CCDC187: variants seen among roughly 807,000 people sequenced by gnomAD.
CCDC187 encodes coiled-coil domain containing 187, also known as coiled-coil domain-containing protein 187.
In CCDC187, 32 loss-of-function variants were observed where a neutral mutation model predicts 38.0. The ratio of observed to expected loss-of-function variants is 0.84; its 90% CI spans 0.64 to 1.13. The LOEUF is 1.13. Among genes scored for constraint, CCDC187 ranks in the 50% most tolerant of loss-of-function variants. CCDC187 has a pLI of 0.00. For missense variants in CCDC187, 707 were observed against 786.8 expected (o/e 0.90, Z 1.21); for synonymous variants, 333 against 347.9 (o/e 0.96, Z 0.48).
In CCDC187 at chr9:136,285,550, C is replaced by G. The variant is rs978792701; in HGVS notation, c.2890G>C (p.Val964Leu). 1.2e-5 allele frequency: 5 copies of G among 402,506 alleles called. No individual in the cohort carries two copies. Among genetic ancestry groups the G allele is most frequent in the Non-Finnish European group, 2.2e-5 (5 of 228,118 alleles). The allele number at this position is 402,506 out of a possible 1,614,324, so 24.9% of individuals were successfully genotyped here. A position where few individuals can be genotyped will look rare whatever the true frequency, so the allele number is the denominator to read the frequency against. ...GGGCTGAGGGCCTGGAAGGGGGCCA[C>G]GCCTCTCTGCAGCCTTTTGTCTGGT... ...VKPDKRLQRG[V>L]APFQALSPSA... The change falls in exon 9 of 26, where the codon GTG (valine) becomes CTG (leucine). Residue 964 changes from valine (V) to leucine (L), a missense_variant. Val to Leu is a conservative substitution (Grantham distance 32). Transcript: ENST00000638797.
At chr9:136,297,159 A>G (rs1305029095) in intron 4 of CCDC187, among the ~76,000 whole-genome samples, 9 of 150,410 alleles carry the variant, frequency 6.0e-5, no homozygotes, top group African/African-American at 1.9e-4. Context: ...CGTGAGCTGC[A>G]GGTGGCGTGA....
At chr9:136,273,689 C>A (rs1830878356) in intron 14 of CCDC187, among the ~76,000 whole-genome samples, 2 of 152,250 alleles carry the variant, frequency 1.3e-5, no homozygotes, top group African/African-American at 4.8e-5. Context: ...ACACTCCCCC[C>A]AGCAACAACA....
chr9:136,293,751 CTT>C (rs1454745995), intron 4 of CCDC187, among the ~76,000 whole-genome samples: 46 of 152,220 alleles, frequency 3.0e-4, no homozygotes, highest in Non-Finnish European at 2.5e-4. Context: ...TGCACACACA[CTT>C]GTACACACTG....
chr9:136,293,753 T>G lies in CCDC187; in HGVS notation c.833-1458A>C, dbSNP rs1049837215. Among the ~76,000 whole-genome samples, 6 of 147,362 alleles carry G rather than the reference T, an allele frequency of 4.1e-5. No homozygotes were observed. In the South Asian group the frequency reaches 1.1e-3, roughly 27 times the overall value. Reference sequence around the variant, plus strand: ...ATGCATTCACACATGCACACACACTTGTACACACTGACATGCTCACACACG... The same window carrying G: ...ATGCATTCACACATGCACACACACTGGTACACACTGACATGCTCACACACG... On this transcript the variant is annotated intron_variant, in intron 4 of 25. Transcript: ENST00000638797.
In CCDC187 at chr9:136,300,285, ACT is replaced by A. The variant is rs1831645626; in HGVS notation, c.657_658del (p.Arg219SerfsTer2). ...CTGGCCGTGGGATGCCTTGGCTTCA[ACT>A]CTGCGCTCAGCTGCACTCAAGATGC... On this transcript the variant is annotated frameshift_variant, in exon 3 of 26. Transcript: ENST00000638797. LOFTEE classifies it high-confidence loss of function. 2.5e-6 allele frequency: 1 copy of A among 398,534 alleles called. No individual in the cohort carries two copies. Among genetic ancestry groups the A allele is most frequent in the Non-Finnish European group, 4.4e-6 (1 of 226,098 alleles). 24.7% of individuals were successfully genotyped at this position (398,534 alleles called of 1,614,324 possible).
At position 136,255,113 on chromosome 9, in the gene CCDC187, T is replaced by C; in HGVS notation, c.4715A>G (p.Glu1572Gly). ...CTGGTGCAGGATTGGGGGCGCCGCC[T>C]CCTCAGGGACCACAGGAGCTGCTAA... The part of the protein sequence containing the change: ...ASPAAPVVPE[E>G]AAPPILHQGS... The change falls in exon 26 of 26, where the codon GAG becomes GGG. Residue 1572 changes from glutamate (E) to glycine (G), a missense_variant. Physicochemically the swap from Glu to Gly is moderately conservative, Grantham distance 98. Coordinates refer to ENST00000638797, the MANE Select transcript of CCDC187 (RefSeq NM_001378188.1). The C allele has an allele frequency of 1.0e-6, 1 of 985,402 alleles. No individual in the cohort carries two copies. Among genetic ancestry groups the C allele is most frequent in the Non-Finnish European group, 1.2e-6 (1 of 829,998 alleles). The allele number at this position is 985,402 out of a possible 1,614,324, so 61.0% of individuals were successfully genotyped here.
At position 136,286,148 on chromosome 9, in the gene CCDC187, C is replaced by G. The variant is rs1831174044; in HGVS notation, c.2770G>C (p.Gly924Arg). Residue 924 changes from glycine (G) to arginine (R), a missense_variant, in exon 8 of 26, where the codon GGC (glycine) becomes CGC (arginine). Gly to Arg is a moderately radical substitution (Grantham distance 125). Coordinates refer to ENST00000638797, the MANE Select transcript of CCDC187 (RefSeq NM_001378188.1). ...YFLDGETLSW[G>R]PSWEQQQSVS... Reference sequence around the variant, plus strand: ...CTCTGCTGTTGCTCCCAGCTGGGGCCCCACGACAGTGTCTCGCCGTCCAGG... The same window carrying G: ...CTCTGCTGTTGCTCCCAGCTGGGGCGCCACGACAGTGTCTCGCCGTCCAGG... 5.0e-6 allele frequency: 2 copies of G among 398,590 alleles called. No individual in the cohort carries two copies. The highest frequency in any genetic ancestry group is 1.3e-4 in the South Asian group (1 of 7,856). 24.7% of individuals were successfully genotyped at this position (398,590 alleles called of 1,614,324 possible).
Position 136,263,702 on chromosome 9 carries a change from G to A in CCDC187, c.3832C>T (p.Pro1278Ser). ...CCCGGGATGGGGAGGATGTCCACAG[G>A]CCCCGGCATGGAGACGACGTCCCTC... is the stretch of plus-strand genomic sequence containing the variant. ...HQRDVVSMPGPVDILPIPGPT... is the reference protein window; with the variant it reads ...HQRDVVSMPGSVDILPIPGPT... The change falls in exon 18 of 26, where the codon CCT (proline) becomes TCT (serine). Residue 1278 changes from proline to serine, a missense_variant. Transcript: ENST00000638797. The A allele has an allele frequency of 1.1e-5, 11 of 985,484 alleles. No individual in the cohort carries two copies. Among genetic ancestry groups the A allele is most frequent in the Non-Finnish European group, 1.3e-5 (11 of 829,934 alleles). 61.0% of individuals were successfully genotyped at this position (985,484 alleles called of 1,614,324 possible). A position where few individuals can be genotyped will look rare whatever the true frequency, so the allele number is the denominator to read the frequency against.
Position 136,250,301 on chromosome 9 carries a change from C to T in CCDC187, c.*3293G>A, listed in dbSNP as rs891973485. The T allele has an allele frequency of 3.5e-5, 6 of 172,488 alleles. No individual in the cohort carries two copies. In the South Asian group the frequency reaches 7.3e-4, roughly 21 times the overall value. The allele number at this position is 172,488 out of a possible 1,614,324, so 10.7% of individuals were successfully genotyped here. A position where few individuals can be genotyped will look rare whatever the true frequency, so the allele number is the denominator to read the frequency against. On this transcript the variant is annotated 3_prime_UTR_variant, in exon 26 of 26. Transcript: ENST00000638797. ...TCAAGGGCACCCTACCACCTGCCAGCGACGCGAGGCACCTGCTGGGCTCCC... is the reference window on the plus strand; with the variant it reads ...TCAAGGGCACCCTACCACCTGCCAGTGACGCGAGGCACCTGCTGGGCTCCC...
In CCDC187 at chr9:136,258,241, A is replaced by T. The variant is rs1312117854; in HGVS notation, c.4366+691T>A. Among the ~76,000 whole-genome samples, 1 of 151,972 alleles carries T rather than the reference A, an allele frequency of 6.6e-6. No individual in the cohort carries two copies. Among genetic ancestry groups the T allele is most frequent in the African/African-American group, 2.4e-5 (1 of 41,352 alleles). ...CTGGGCAGCCCCACAAGTGCTTCTG[A>T]TCTCTTTCCGTCTCAACCCATCTGT... On this transcript the variant is annotated intron_variant, in intron 22 of 25. Transcript: ENST00000638797. The surrounding 1 kb of genome is among the most constrained non-coding windows in gnomAD (Gnocchi z 4.3).
intron 4 of CCDC187, 91 bp from the exon 5 acceptor site, chr9:136,292,386 A>C: frequency 2.5e-6 from 1 of 398,090 alleles, no homozygotes; most frequent in Non-Finnish European, 4.4e-6. Context: ...TGCAAGCGCC[A>C]GGAGGCCACT....
chr9:136,256,425 A>G lies in CCDC187; in HGVS notation c.4504-102T>C. The stretch of plus-strand genomic sequence containing the variant: ...CCCTGTGCTTCCAGCGACCACGGTA[A>G]AGGAACAAAGACCACTCAAAAGAGG... On this transcript the variant is annotated intron_variant, in intron 23 of 25. Coordinates refer to ENST00000638797, the MANE Select transcript of CCDC187 (RefSeq NM_001378188.1). 4.4e-6 allele frequency: 2 copies of G among 458,494 alleles called. 1 individual carries two copies. Among genetic ancestry groups the G allele is most frequent in the South Asian group, 1.9e-4 (2 of 10,766 alleles). The allele number at this position is 458,494 out of a possible 1,614,324, so 28.4% of individuals were successfully genotyped here. A position where few individuals can be genotyped will look rare whatever the true frequency, so the allele number is the denominator to read the frequency against.
Position 136,303,792 on chromosome 9 carries a change from C to T in CCDC187, c.39G>A (p.Leu13=), listed in dbSNP as rs1298588526. The part of the protein sequence containing the change: ...TLVVGTPPTC[L]GDTPQPCHKN... ...TGTGGCAGGGCTGAGGTGTGTCCCC[C>T]AGGCAGGTGGGCGGCGTGCCCACGA... Residue 13 remains leucine (L), a synonymous_variant, in exon 1 of 26, where the codon CTG becomes CTA. Transcript: ENST00000638797. 1.3e-5 allele frequency: 2 copies of T among 152,532 alleles called. No homozygotes were observed. Among genetic ancestry groups the T allele is most frequent in the African/African-American group, 4.8e-5 (2 of 41,600 alleles). The allele number at this position is 152,532 out of a possible 1,614,324, so 9.4% of individuals were successfully genotyped here.
chr9:136,254,046 G>C lies in CCDC187; in HGVS notation c.5782C>G (p.Leu1928Val). 1.0e-6 allele frequency: 1 copy of C among 985,400 alleles called. No homozygotes were observed. Among genetic ancestry groups the C allele is most frequent in the Non-Finnish European group, 1.2e-6 (1 of 829,924 alleles). 61.0% of individuals were successfully genotyped at this position (985,400 alleles called of 1,614,324 possible). ...ADPSPSTKSK[L>V]PYLMPEPETP... ...TCGGGCTCTGGCATGAGGTACGGGA[G>C]TTTGCTCTTGGTGGATGGGCTCGGG... is the stretch of plus-strand genomic sequence containing the variant. The change falls in exon 26 of 26, where the codon CTC (leucine) becomes GTC (valine). Residue 1928 changes from leucine (L) to valine (V), a missense_variant. Transcript: ENST00000638797.
At chr9:136,301,586 C>CT (rs1207423796) in intron 2 of CCDC187, among the ~76,000 whole-genome samples, 94,730 of 126,416 alleles carry the variant, frequency 0.75, 36,258 homozygotes, top group South Asian at 0.83. Context: ...GCATACGTTA[C>CT]TTTTTTTTTT....
In CCDC187 at chr9:136,267,424, T is replaced by G; in HGVS notation, c.3607A>C (p.Lys1203Gln). Residue 1203 changes from lysine to glutamine, a missense_variant, in exon 16 of 26, where the codon AAA (lysine) becomes CAA (glutamine). By Grantham distance (53) the Lys-to-Gln change is moderately conservative. Coordinates refer to ENST00000638797, the MANE Select transcript of CCDC187 (RefSeq NM_001378188.1). ...LRLREMALQEKTLAELAWLEH... is the reference protein window; with the variant it reads ...LRLREMALQEQTLAELAWLEH... ...AGCCAGGCCAGCTCCGCGAGCGTTT[T>G]CTCCTGGAGCGCCATCTCTCGCAGG... The G allele has an allele frequency of 1.0e-6, 1 of 985,456 alleles. No individual in the cohort carries two copies. Among genetic ancestry groups the G allele is most frequent in the Non-Finnish European group, 1.2e-6 (1 of 829,950 alleles). The allele number at this position is 985,456 out of a possible 1,614,324, so 61.0% of individuals were successfully genotyped here. A position where few individuals can be genotyped will look rare whatever the true frequency, so the allele number is the denominator to read the frequency against.
chr9:136,301,270 C>G (rs1263746832), intron 2 of CCDC187, among the ~76,000 whole-genome samples: 1 of 152,112 alleles, frequency 6.6e-6, no homozygotes, highest in Admixed American at 6.5e-5. Context: ...ATTATTTGTG[C>G]TTATTATACC....
rs988466639 is a variant in CCDC187 at position 136,251,030 on chromosome 9, C to T, written c.*2564G>A. 2.4e-5 allele frequency: 11 copies of T among 456,144 alleles called. No homozygotes were observed. Among genetic ancestry groups the T allele is most frequent in the Admixed American group, 4.7e-5 (2 of 42,562 alleles). 28.3% of individuals were successfully genotyped at this position (456,144 alleles called of 1,614,324 possible). On this transcript the variant is annotated 3_prime_UTR_variant, in exon 26 of 26. Transcript: ENST00000638797. Reference sequence around the variant, plus strand: ...GCCACGCCAGCTTTGTGATGCCTCCCACCAGACTGCATGCATAAAGTCTGG... The same window carrying T: ...GCCACGCCAGCTTTGTGATGCCTCCTACCAGACTGCATGCATAAAGTCTGG...
intron 16 of CCDC187, 33 bp downstream of exon 16, chr9:136,267,350 CG>C (rs1554761811): frequency 3.3e-6 from 3 of 908,318 alleles, no homozygotes; most frequent in East Asian, 1.5e-4. Context: ...GGGGCTACGG[CG>C]GGGCGGGGCC....
Sources: allele counts gnomAD v4.1 joint callset (sites outside exome capture counted in the v4.1 genomes callset), GRCh38; gene constraint gnomAD v4.1.1; non-coding constraint Gnocchi (gnomAD v3.1); transcripts MANE v1.5; gene names NCBI Gene and HGNC (gene_info 2026-07-23, HGNC 2026-07-21).